WDR31: variants seen among roughly 807,000 people sequenced by gnomAD.
The protein encoded by WDR31 is WD repeat domain 31.
A neutral mutation model predicts 47.3 loss-of-function variants in WDR31; 30 were observed. That is an observed-to-expected ratio of 0.63 (90% CI 0.47 to 0.86). The LOEUF is 0.86. WDR31 is among the 40% of genes least tolerant of loss of function. WDR31 has a pLI of 0.00. For synonymous variants in WDR31, 137 were observed against 159.4 expected (o/e 0.86, Z 1.06); for missense variants, 406 against 442.9 (o/e 0.92, Z 0.75).
intron 1 of WDR31, among the ~76,000 whole-genome samples, chr9:113,339,480 GAAAGA>G (rs1440704670): frequency 5.3e-5 from 8 of 152,144 alleles, no homozygotes; most frequent in Admixed American, 4.6e-4. Context: ...AATGCTCAAA[GAAAGA>G]AAAGTATGAG....
At position 113,332,054 on chromosome 9, in the gene WDR31, T is replaced by C. The variant is rs1833610737; in HGVS notation, c.-28-4A>G. ...TGGCTGCTGGAAGTTGTGTTCCCTG[T>C]TTAATAAAAAGAAGAATACATGTTG... On this transcript the variant is annotated splice_region_variant and splice_polypyrimidine_tract_variant and intron_variant, in intron 2 of 10. Coordinates refer to ENST00000374193, the MANE Select transcript of WDR31 (RefSeq NM_001012361.4). 3.1e-6 allele frequency: 5 copies of C among 1,588,888 alleles called. No individual in the cohort carries two copies. The highest frequency in any genetic ancestry group is 2.2e-5 in the East Asian group (1 of 44,644).
Position 113,322,999 on chromosome 9 carries a change from G to A in WDR31, c.469+12C>T, listed in dbSNP as rs541833969. ...GCACAAAGGCATTGGGAAGAGGTCCGCTTTGTTTTACCTGGACTCACAGCC... is the reference window on the plus strand; with the variant it reads ...GCACAAAGGCATTGGGAAGAGGTCCACTTTGTTTTACCTGGACTCACAGCC... On this transcript the variant is annotated intron_variant, in intron 6 of 10. Coordinates refer to ENST00000374193, the MANE Select transcript of WDR31 (RefSeq NM_001012361.4). 43 of 1,613,692 alleles carry A rather than the reference G, an allele frequency of 2.7e-5. No individual in the cohort carries two copies. Among genetic ancestry groups the A allele is most frequent in the Admixed American group, 3.3e-5 (2 of 59,974 alleles).
At chr9:113,324,138 C>T (rs547363556) in intron 5 of WDR31, among the ~76,000 whole-genome samples, 2 of 152,008 alleles carry the variant, frequency 1.3e-5, no homozygotes, top group East Asian at 3.9e-4. Flanking sequence ...ACCATCACCA[C>T]TATCATCTCT....
At chr9:113,337,765 C>CT (rs1195948415) in intron 1 of WDR31, among the ~76,000 whole-genome samples, 1 of 152,046 alleles carries the variant, frequency 6.6e-6, no homozygotes, top group African/African-American at 2.4e-5. Context: ...CGTGCCCAGC[C>CT]ACATCGGAGC....
rs1388572164 is a variant in WDR31, at chr9:113,315,185, T to G, written c.*1564A>C. On this transcript the variant is annotated 3_prime_UTR_variant, in exon 11 of 11. Transcript: ENST00000374193. ...GATGGATCACTTGAGCCCAGGAGTT[T>G]TAGACCACACAAACACACAAAAAAT... is the stretch of plus-strand genomic sequence containing the variant. 1 of 151,672 alleles carries G rather than the reference T, an allele frequency of 6.6e-6. No homozygotes were observed. The highest frequency in any genetic ancestry group is 1.5e-5 in the Non-Finnish European group (1 of 67,996). The allele number at this position is 151,672 out of a possible 1,614,324, so 9.4% of individuals were successfully genotyped here.
chr9:113,314,360 G>GC lies in WDR31; in HGVS notation c.*2388_*2389insG, dbSNP rs1833144163. On this transcript the variant is annotated 3_prime_UTR_variant, in exon 11 of 11. Coordinates refer to ENST00000374193, the MANE Select transcript of WDR31 (RefSeq NM_001012361.4). ...CTCCTGAGTAGCTGGGACTACAGGC[G>GC]GGCACCACCACACCCAGCTAATTTT... 1 of 149,346 alleles carries GC rather than the reference G, an allele frequency of 6.7e-6. No individual in the cohort carries two copies. The highest frequency in any genetic ancestry group is 1.5e-5 in the Non-Finnish European group (1 of 67,468). 9.3% of individuals were successfully genotyped at this position (149,346 alleles called of 1,614,324 possible).
chr9:113,336,538 C>A (rs935657246), intron 1 of WDR31, 98 bp from the exon 2 acceptor site: 2 of 152,104 alleles, frequency 1.3e-5, no homozygotes, highest in Admixed American at 6.5e-5. Context: ...TTACAAAATT[C>A]CAAGATTATC....
At chr9:113,330,589 C>A (rs758949133) in intron 4 of WDR31, among the ~76,000 whole-genome samples, 1 of 152,176 alleles carries the variant, frequency 6.6e-6, no homozygotes, top group Non-Finnish European at 1.5e-5. Context: ...TAGACAGTTC[C>A]TTTTGCTGAC....
rs1833115555 is a variant in WDR31, at chr9:113,313,258, C to T, written c.*3491G>A. ...GAAACAATTTTATTGGTAACAGAAC[C>T]CTACTAACTCATCAGAGCCCCACTA... is the stretch of plus-strand genomic sequence containing the variant. On this transcript the variant is annotated 3_prime_UTR_variant, in exon 11 of 11. Coordinates refer to ENST00000374193, the MANE Select transcript of WDR31 (RefSeq NM_001012361.4). 2 of 152,168 alleles carry T rather than the reference C, an allele frequency of 1.3e-5. No homozygotes were observed. Among genetic ancestry groups the T allele is most frequent in the African/African-American group, 4.8e-5 (2 of 41,434 alleles). The allele number at this position is 152,168 out of a possible 1,614,324, so 9.4% of individuals were successfully genotyped here.
At position 113,315,972 on chromosome 9, in the gene WDR31, A is replaced by G. The variant is rs1348631627; in HGVS notation, c.*777T>C. The G allele has an allele frequency of 1.3e-5, 2 of 152,212 alleles. No individual in the cohort carries two copies. The highest frequency in any genetic ancestry group is 4.8e-5 in the African/African-American group (2 of 41,442). 9.4% of individuals were successfully genotyped at this position (152,212 alleles called of 1,614,324 possible). On this transcript the variant is annotated 3_prime_UTR_variant, in exon 11 of 11. Transcript: ENST00000374193. ...TATATAAATCCAAATGAAAATATTA[A>G]AATTGCAAGTGAGATATTTTTGGCC...
rs1288000024 is a variant in WDR31, at chr9:113,315,970, TA to T, written c.*778del. The stretch of plus-strand genomic sequence containing the variant: ...TTTATATAAATCCAAATGAAAATAT[TA>T]AAATTGCAAGTGAGATATTTTTGGC... On this transcript the variant is annotated 3_prime_UTR_variant, in exon 11 of 11. Coordinates refer to ENST00000374193, the MANE Select transcript of WDR31 (RefSeq NM_001012361.4). 1.3e-5 allele frequency: 2 copies of T among 152,250 alleles called. No homozygotes were observed. The highest frequency in any genetic ancestry group is 2.4e-5 in the African/African-American group (1 of 41,470). 9.4% of individuals were successfully genotyped at this position (152,250 alleles called of 1,614,324 possible). A position where few individuals can be genotyped will look rare whatever the true frequency, so the allele number is the denominator to read the frequency against.
chr9:113,325,274 C>G (rs981784925), intron 5 of WDR31, among the ~76,000 whole-genome samples: 4 of 152,152 alleles, frequency 2.6e-5, no homozygotes, highest in African/African-American at 9.7e-5. Context: ...CTCTTTTAAA[C>G]AATGTACAGG....
intron 1 of WDR31, 31 bp from the exon 2 acceptor site, chr9:113,336,471 C>A (rs1284989031): frequency 6.6e-6 from 1 of 152,148 alleles, no homozygotes; most frequent in Non-Finnish European, 1.5e-5. Context: ...TAAATAAAGA[C>A]CTTGTTTATT....
intron 2 of WDR31, among the ~76,000 whole-genome samples, chr9:113,334,540 ATTTAT>A (rs1204447959): frequency 1.3e-5 from 2 of 151,424 alleles, no homozygotes; most frequent in African/African-American, 2.4e-5. Flanking sequence ...TAATTTACTT[ATTTAT>A]TTTATTTTTT....
chr9:113,334,187 G>T (rs1564314650), intron 2 of WDR31, among the ~76,000 whole-genome samples: 1 of 151,884 alleles, frequency 6.6e-6, no homozygotes, highest in Non-Finnish European at 1.5e-5. Flanking sequence ...TGTGTTTTTT[G>T]TAGAGACGGG....
intron 5 of WDR31, among the ~76,000 whole-genome samples, chr9:113,323,567 A>C (rs1414692958): frequency 6.6e-6 from 1 of 152,174 alleles, no homozygotes; most frequent in Non-Finnish European, 1.5e-5. Context: ...CGGCCCCCAC[A>C]CACACTTCTC....
chr9:113,318,674 T>A, intron 9 of WDR31, 37 bp from the exon 10 acceptor site: 1 of 1,608,640 alleles, frequency 6.2e-7, no homozygotes, highest in Non-Finnish European at 8.5e-7. Context: ...CATAGTCACT[T>A]GTCTAGCTTC....
intron 4 of WDR31, among the ~76,000 whole-genome samples, chr9:113,329,596 C>T (rs1833550100): frequency 6.6e-6 from 1 of 151,936 alleles, no homozygotes; most frequent in African/African-American, 2.4e-5. Flanking sequence ...GCCACCCTGC[C>T]TGGCCTAGAT....
In WDR31 at chr9:113,328,950, A is replaced by G. The variant is rs116651544; in HGVS notation, c.255T>C (p.Val85=). The part of the protein sequence containing the change: ...LCVSGGKDKT[V]VAYNWKTGNV... ...TTCCAGTTTTCCAATTATAGGCCAC[A>G]ACTGTCTGAAGAGAGTGAAGATTGT... Residue 85 remains valine, a synonymous_variant, in exon 5 of 11, where the codon GTT becomes GTC. Transcript: ENST00000374193. 327 of 1,613,758 alleles carry G rather than the reference A, an allele frequency of 2.0e-4. 3 individuals carry two copies. The African/African-American group carries it at 4.0e-3, about 20-fold the overall frequency.
Sources: allele counts gnomAD v4.1 joint callset (sites outside exome capture counted in the v4.1 genomes callset), GRCh38; gene constraint gnomAD v4.1.1; transcripts MANE v1.5; gene names NCBI Gene and HGNC (gene_info 2026-07-23, HGNC 2026-07-21).